The following DSCAM variants were observed in gnomAD, a reference collection of about 807,000 sequenced individuals.
The protein encoded by DSCAM is cell adhesion molecule DSCAM.
In DSCAM, 47 loss-of-function variants were observed where a neutral mutation model predicts 217.7. The ratio of observed to expected loss-of-function variants is 0.22; its 90% CI spans 0.17 to 0.28. DSCAM has a LOEUF of 0.28. Ranked by LOEUF, DSCAM falls within the 10% of genes least tolerant of loss-of-function variation. The probability of loss-of-function intolerance (pLI) is 1.00; values close to 1 mark genes in which losing one functional copy is unlikely to be tolerated. For synonymous variants in DSCAM, 1,056 were observed against 1,015.3 expected, an observed-to-expected ratio of 1.04 and a Z score of -0.76; for missense variants, 2,080 against 2,618.3, an observed-to-expected ratio of 0.79 and a Z score of 4.49.
At chr21:40,094,927 A>T (rs1300994446) in intron 20 of DSCAM, among the ~76,000 whole-genome samples, 2 of 152,240 alleles carry the variant, frequency 1.3e-5, no homozygotes, top group Admixed American at 6.5e-5. Context: ...AAATAGCCCA[A>T]ATATGTGTCA....
At chr21:40,781,995 A>AAAG (rs2091549388) in intron 1 of DSCAM, among the ~76,000 whole-genome samples, 2 of 148,400 alleles carry the variant, frequency 1.3e-5, no homozygotes, top group African/African-American at 4.9e-5. Context: ...AAAAATACAA[A>AAAG]AAAAAAAAAA....
At chr21:40,553,433 T>C (rs139931419) in intron 3 of DSCAM, among the ~76,000 whole-genome samples, 1 of 152,354 alleles carries the variant, frequency 6.6e-6, no homozygotes, top group East Asian at 1.9e-4. Context: ...AGGATTCCCC[T>C]GATGCAAGGT....
chr21:40,546,163 AG>A (rs2076580686), intron 3 of DSCAM, among the ~76,000 whole-genome samples: 1 of 152,250 alleles, frequency 6.6e-6, no homozygotes, highest in African/African-American at 2.4e-5. Context: ...AAGAGGGTTA[AG>A]GTGTAGAGAA....
At chr21:40,271,302 C>T (rs763972015) in intron 11 of DSCAM, among the ~76,000 whole-genome samples, 1 of 152,182 alleles carries the variant, frequency 6.6e-6, no homozygotes, top group Non-Finnish European at 1.5e-5. Flanking sequence ...TCCAGGGAAG[C>T]GCCTGTTCCT....
At chr21:40,553,637 CTG>C (rs1287462516) in intron 3 of DSCAM, among the ~76,000 whole-genome samples, 1 of 152,196 alleles carries the variant, frequency 6.6e-6, no homozygotes, top group Admixed American at 6.5e-5. Context: ...TAGCCAACAA[CTG>C]TGATATCTAA....
At chr21:40,102,256 T>C (rs2089761393) in intron 20 of DSCAM, among the ~76,000 whole-genome samples, 1 of 152,234 alleles carries the variant, frequency 6.6e-6, no homozygotes, top group African/African-American at 2.4e-5. Flanking sequence ...ATATATTTGT[T>C]TTAAAAAATA....
At chr21:40,546,521 G>A (rs2076584308) in intron 3 of DSCAM, among the ~76,000 whole-genome samples, 1 of 152,210 alleles carries the variant, frequency 6.6e-6, no homozygotes, top group South Asian at 2.1e-4. Context: ...GGAGTAGGGG[G>A]TGACAATACC....
At chr21:40,204,773 G>A (rs2091106165) in intron 11 of DSCAM, among the ~76,000 whole-genome samples, 1 of 152,218 alleles carries the variant, frequency 6.6e-6, no homozygotes, top group East Asian at 1.9e-4. Context: ...AAGAGATGGA[G>A]GTCGTATCCT....
At chr21:40,842,864 C>T (rs79891324) in intron 1 of DSCAM, among the ~76,000 whole-genome samples, 8,313 of 152,160 alleles carry the variant, frequency 0.055, 275 homozygotes, top group East Asian at 0.13. Context: ...AAGTGGAGAA[C>T]GATCCACTGG....
intron 3 of DSCAM, among the ~76,000 whole-genome samples, chr21:40,444,061 T>C (rs1484803921): frequency 2.0e-5 from 3 of 152,220 alleles, no homozygotes; most frequent in African/African-American, 4.8e-5. Context: ...CTGCTGCTTT[T>C]ACTTTTCTTT....
chr21:40,204,405 C>A (rs554679654), intron 11 of DSCAM, among the ~76,000 whole-genome samples: 13 of 152,256 alleles, frequency 8.5e-5, no homozygotes, highest in African/African-American at 2.9e-4. Flanking sequence ...AAACCTTTCT[C>A]CCAAATTTTG....
intron 3 of DSCAM, among the ~76,000 whole-genome samples, chr21:40,577,277 G>A (rs552258254): frequency 8.7e-5 from 13 of 148,936 alleles, no homozygotes; most frequent in African/African-American, 2.7e-4. Flanking sequence ...ATTAGCCGGC[G>A]ACCAGGCCGC....
At chr21:40,816,743 T>A (rs1184294288) in intron 1 of DSCAM, among the ~76,000 whole-genome samples, 1 of 152,208 alleles carries the variant, frequency 6.6e-6, no homozygotes, top group Non-Finnish European at 1.5e-5. Context: ...TAAGCAACGC[T>A]GCTGGGTTGT....
chr21:40,435,994 G>A (rs1018287571), intron 3 of DSCAM, among the ~76,000 whole-genome samples: 6 of 152,100 alleles, frequency 3.9e-5, no homozygotes, highest in African/African-American at 7.2e-5. Flanking sequence ...TTTACAAGAC[G>A]GACTTGTTAG....
rs969304219 is a variant in DSCAM at position 40,012,846 on chromosome 21, C to T, written c.*188G>A. Reference sequence around the variant, plus strand: ...ATCAGATGCCCAGGCGGATGGAGCTCACACTCAGACAGAAAAAAAGCAGGA... The same window carrying T: ...ATCAGATGCCCAGGCGGATGGAGCTTACACTCAGACAGAAAAAAAGCAGGA... On this transcript the variant is annotated 3_prime_UTR_variant, in exon 33 of 33. Transcript: ENST00000400454. 6 of 418,762 alleles carry T rather than the reference C, an allele frequency of 1.4e-5. No individual in the cohort carries two copies. Among genetic ancestry groups the T allele is most frequent in the African/African-American group, 4.1e-5 (2 of 48,562 alleles). 25.9% of individuals were successfully genotyped at this position (418,762 alleles called of 1,614,324 possible).
Position 40,013,286 on chromosome 21 carries a change from C to T in DSCAM, c.5787G>A (p.Leu1929=). 1.2e-6 allele frequency: 2 copies of T among 1,613,432 alleles called. No homozygotes were observed. Among genetic ancestry groups the T allele is most frequent in the Non-Finnish European group, 1.7e-6 (2 of 1,179,746 alleles). Residue 1929 remains leucine, a synonymous_variant, in exon 33 of 33, where the codon TTG becomes TTA. Coordinates refer to ENST00000400454, the MANE Select transcript of DSCAM (RefSeq NM_001389.5). ...TCAGGGTCCGGCTTTTCTGAGGTTC[C>T]AAGCATGCTTGTCCTAAGCTCAGGT... is the stretch of plus-strand genomic sequence containing the variant. The part of the protein sequence containing the change: ...SRDLSLGQAC[L]EPQKSRTLKR...
At chr21:40,353,053 A>G (rs1393566140) in intron 5 of DSCAM, among the ~76,000 whole-genome samples, 1 of 152,242 alleles carries the variant, frequency 6.6e-6, no homozygotes, top group Non-Finnish European at 1.5e-5. Flanking sequence ...GAAACAGACA[A>G]AGGACAACTG....
At chr21:40,687,287 A>G (rs890288469) in intron 3 of DSCAM, among the ~76,000 whole-genome samples, 1 of 152,188 alleles carries the variant, frequency 6.6e-6, no homozygotes, top group African/African-American at 2.4e-5. Flanking sequence ...TGAGGCTTTC[A>G]GGTGACTCTA....
chr21:40,181,693 T>G (rs184589207), intron 14 of DSCAM, among the ~76,000 whole-genome samples: 167 of 151,658 alleles, frequency 1.1e-3, no homozygotes, highest in African/African-American at 3.9e-3. Flanking sequence ...GCTGAAAATC[T>G]CGTATGCCTA....
Sources: allele counts gnomAD v4.1 joint callset (sites outside exome capture counted in the v4.1 genomes callset), GRCh38; gene constraint gnomAD v4.1.1; transcripts MANE v1.5; gene names NCBI Gene and HGNC (gene_info 2026-07-23, HGNC 2026-07-21).